DCC: variants seen among roughly 807,000 people sequenced by gnomAD.
DCC encodes DCC netrin 1 receptor, also known as netrin receptor DCC.
A neutral mutation model predicts 172.5 loss-of-function variants in DCC; 58 were observed. The observed-to-expected ratio is 0.34, with a 90% CI of 0.27 to 0.42. The LOEUF (loss-of-function observed/expected upper bound fraction) is 0.42. Among genes scored for constraint, DCC ranks in the 10% least tolerant of loss-of-function variants. The pLI, the probability that DCC is intolerant of heterozygous loss-of-function variation, is 1.00. For synonymous variants in DCC, 709 were observed against 644.5 expected, an observed-to-expected ratio of 1.10 and a Z score of -1.52; for missense variants, 1,740 against 1,791.0, an observed-to-expected ratio of 0.97 and a Z score of 0.51.
intron 1 of DCC, among the ~76,000 whole-genome samples, chr18:52,467,247 C>G (rs1402247696): frequency 2.0e-5 from 3 of 151,872 alleles, no homozygotes; most frequent in Non-Finnish European, 2.9e-5. Context: ...CTCCCTGTGT[C>G]CATGTGTTCT....
chr18:52,872,455 G>T lies in DCC; in HGVS notation c.413-33589G>T, dbSNP rs144384028. On this transcript the variant is annotated intron_variant, in intron 2 of 28. Coordinates refer to ENST00000442544, the MANE Select transcript of DCC (RefSeq NM_005215.4). ...AGTGCAAATCTTCTCTACGAATGCC[G>T]ATCTACCCCAGAGACAGTTTTCAGG... is the stretch of plus-strand genomic sequence containing the variant. 6.6e-5 allele frequency among the ~76,000 whole-genome samples: 10 copies of T among 152,200 alleles called. No homozygotes were observed. In the East Asian group the frequency reaches 1.2e-3, roughly 18 times the overall value.
At chr18:53,070,940 T>C (rs540818881) in intron 7 of DCC, among the ~76,000 whole-genome samples, 1 of 152,288 alleles carries the variant, frequency 6.6e-6, no homozygotes, top group South Asian at 2.1e-4. Context: ...AATTAAGCAA[T>C]GAGGCTGACC....
At chr18:52,412,025 C>A (rs1289851492) in intron 1 of DCC, among the ~76,000 whole-genome samples, 5 of 152,120 alleles carry the variant, frequency 3.3e-5, no homozygotes, top group African/African-American at 1.2e-4. Context: ...CTATTCAAAT[C>A]CCACATCTTC....
rs114861069 is a variant in DCC at position 53,200,879 on chromosome 18, T to C, written c.1574-4337T>C. Among the ~76,000 whole-genome samples, 129 of 152,250 alleles carry C rather than the reference T, an allele frequency of 8.5e-4. 1 individual carries two copies. The highest frequency in any genetic ancestry group is 2.7e-3 in the Admixed American group (41 of 15,286). ...GGTTTCACTCTGGATGAACAGTTCA[T>C]TTGCAGCTTCTCTTCCGTGCCACAC... On this transcript the variant is annotated intron_variant, in intron 9 of 28. Coordinates refer to ENST00000442544, the MANE Select transcript of DCC (RefSeq NM_005215.4).
chr18:53,387,205 G>C (rs1908226860), intron 16 of DCC, among the ~76,000 whole-genome samples: 1 of 152,166 alleles, frequency 6.6e-6, no homozygotes, highest in Non-Finnish European at 1.5e-5. Flanking sequence ...TGTGAACTTA[G>C]TGCAGTTTGT....
rs1369556665 is a variant in DCC, at chr18:53,313,008, G to GAAA, written c.2053+7289_2053+7290insAAA. On this transcript the variant is annotated intron_variant, in intron 13 of 28. Transcript: ENST00000442544. Reference sequence around the variant, plus strand: ...GAGGGAGGGAGGAGGGAGGAAGGAAGGGAGGAAGAAAGGAAGGGAAGAAGG... The same window carrying GAAA: ...GAGGGAGGGAGGAGGGAGGAAGGAAGAAAGGAGGAAGAAAGGAAGGGAAGAAGG... 1.6e-4 allele frequency among the ~76,000 whole-genome samples: 22 copies of GAAA among 139,122 alleles called. No homozygotes were observed. The East Asian group carries it at 4.5e-3, about 28-fold the overall frequency. 91.3% of individuals were successfully genotyped at this position (139,122 alleles called of 152,430 possible). A position where few individuals can be genotyped will look rare whatever the true frequency, so the allele number is the denominator to read the frequency against.
In DCC at chr18:53,129,210, T is replaced by C. The variant is rs562540203; in HGVS notation, c.1262-28146T>C. ...CCTCTATATTCTTAAATAATATTCA[T>C]GAATAGGCATATCTTTTAGATGTTA... On this transcript the variant is annotated intron_variant, in intron 7 of 28. Coordinates refer to ENST00000442544, the MANE Select transcript of DCC (RefSeq NM_005215.4). Among the ~76,000 whole-genome samples, 22 of 152,154 alleles carry C rather than the reference T, an allele frequency of 1.4e-4. No individual in the cohort carries two copies. In the South Asian group the frequency reaches 4.4e-3, roughly 30 times the overall value.
chr18:53,023,416 A>C (rs1233992773), intron 5 of DCC, among the ~76,000 whole-genome samples: 8 of 147,454 alleles, frequency 5.4e-5, no homozygotes, highest in Non-Finnish European at 7.6e-5. Flanking sequence ...AAAAAAAAAA[A>C]AAAAAAAAAA....
intron 1 of DCC, among the ~76,000 whole-genome samples, chr18:52,695,223 T>A (rs2035994220): frequency 6.6e-6 from 1 of 152,204 alleles, no homozygotes; most frequent in Non-Finnish European, 1.5e-5. Flanking sequence ...TGGGCCTCAA[T>A]TTCTTCAGTT....
chr18:52,460,230 T>C (rs1203043118), intron 1 of DCC, among the ~76,000 whole-genome samples: 1 of 152,198 alleles, frequency 6.6e-6, no homozygotes, highest in Non-Finnish European at 1.5e-5. Context: ...ATTTTTTTTC[T>C]CAAATCATCT....
At chr18:53,407,935 G>T (rs954607714) in intron 19 of DCC, among the ~76,000 whole-genome samples, 24 of 152,078 alleles carry the variant, frequency 1.6e-4, no homozygotes, top group African/African-American at 5.6e-4. Context: ...TTGAATTTTA[G>T]AACTCCAAGT....
At chr18:52,803,474 G>A (rs543403420) in intron 2 of DCC, among the ~76,000 whole-genome samples, 8 of 151,984 alleles carry the variant, frequency 5.3e-5, no homozygotes, top group East Asian at 3.9e-4. Context: ...TACTGTGAAC[G>A]GTGCCATGTA....
intron 1 of DCC, among the ~76,000 whole-genome samples, chr18:52,682,854 G>C (rs1599015707): frequency 6.6e-6 from 1 of 152,068 alleles, no homozygotes; most frequent in Non-Finnish European, 1.5e-5. Context: ...AAGGGTTTTA[G>C]CCTTTCTTCC....
In DCC at chr18:52,555,763, G is replaced by C. The variant is rs558962470; in HGVS notation, c.92-196291G>C. On this transcript the variant is annotated intron_variant, in intron 1 of 28. Coordinates refer to ENST00000442544, the MANE Select transcript of DCC (RefSeq NM_005215.4). ...TATATCAAACAAAAGGATAGCATCT[G>C]ATTTCGATTCATTTAACCTTAATGG... Among the ~76,000 whole-genome samples the C allele has an allele frequency of 2.0e-4, 31 of 152,196 alleles. No individual in the cohort carries two copies. In the South Asian group the frequency reaches 6.2e-3, roughly 31 times the overall value.
chr18:52,966,026 C>T (rs2040924331), intron 5 of DCC, among the ~76,000 whole-genome samples: 1 of 152,146 alleles, frequency 6.6e-6, no homozygotes, highest in East Asian at 1.9e-4. Flanking sequence ...TGCTTGTCTT[C>T]CAGAAGTGCT....
At chr18:52,402,956 A>G (rs768719533) in intron 1 of DCC, among the ~76,000 whole-genome samples, 1 of 152,054 alleles carries the variant, frequency 6.6e-6, no homozygotes, top group Non-Finnish European at 1.5e-5. Flanking sequence ...GTGTGCCTGG[A>G]GCAAATACAG....
At chr18:53,345,750 C>T (rs905456716) in intron 15 of DCC, among the ~76,000 whole-genome samples, 13 of 147,628 alleles carry the variant, frequency 8.8e-5, no homozygotes, top group Non-Finnish European at 1.8e-4. Context: ...TATAGAATTC[C>T]GCATTGACAG....
chr18:53,371,591 C>T (rs1215865316), intron 15 of DCC, among the ~76,000 whole-genome samples: 9 of 151,324 alleles, frequency 5.9e-5, no homozygotes, highest in Non-Finnish European at 1.2e-4. Context: ...AAATTAGGGC[C>T]CTAAAATAAA....
intron 5 of DCC, among the ~76,000 whole-genome samples, chr18:52,982,497 AG>A (rs952253427): frequency 1.8e-4 from 27 of 152,076 alleles, no homozygotes; most frequent in Admixed American, 1.6e-3. Flanking sequence ...TCTCCTGCTT[AG>A]GGCAGCATTT....
Sources: allele counts gnomAD v4.1 joint callset (sites outside exome capture counted in the v4.1 genomes callset), GRCh38; gene constraint gnomAD v4.1.1; transcripts MANE v1.5; gene names NCBI Gene and HGNC (gene_info 2026-07-23, HGNC 2026-07-21).